Variants in PACRG observed in about 807,000 individuals in gnomAD.
PACRG encodes parkin coregulated gene protein.
A neutral mutation model predicts 29.7 loss-of-function variants in PACRG; 29 were observed. The ratio of observed to expected loss-of-function variants is 0.98; its 90% CI spans 0.73 to 1.33. PACRG has a LOEUF of 1.33. PACRG is among the 40% of genes most tolerant of loss of function. The pLI, the probability that PACRG is intolerant of heterozygous loss-of-function variation, is 0.00. For synonymous variants in PACRG, 116 were observed against 118.7 expected, an observed-to-expected ratio of 0.98 and a Z score of 0.15; for missense variants, 279 against 316.2, an observed-to-expected ratio of 0.88 and a Z score of 0.89.
intron 4 of PACRG, among the ~76,000 whole-genome samples, chr6:163,268,162 AG>A (rs1783601092): frequency 6.6e-6 from 1 of 152,156 alleles, no homozygotes; most frequent in African/African-American, 2.4e-5. Flanking sequence ...GCACTCTGGG[AG>A]GCCGAGGCGG....
intron 4 of PACRG, among the ~76,000 whole-genome samples, chr6:163,158,069 C>G (rs931021587): frequency 1.3e-5 from 2 of 152,176 alleles, no homozygotes; most frequent in African/African-American, 4.8e-5. Context: ...TTATTCCTCA[C>G]CAGGACCATG....
intron 2 of PACRG, among the ~76,000 whole-genome samples, chr6:162,887,048 C>T (rs555144408): frequency 6.6e-6 from 1 of 152,286 alleles, no homozygotes; most frequent in East Asian, 1.9e-4. Flanking sequence ...GCTGGGATTA[C>T]AGGCACATGC....
At chr6:162,869,769 C>T (rs1341379829) in intron 2 of PACRG, among the ~76,000 whole-genome samples, 2 of 152,138 alleles carry the variant, frequency 1.3e-5, no homozygotes, top group African/African-American at 2.4e-5. Flanking sequence ...AATAAAATTA[C>T]AATTTCAGCA....
chr6:162,736,503 C>A (rs537160999), intron 1 of PACRG, among the ~76,000 whole-genome samples: 1 of 151,974 alleles, frequency 6.6e-6, no homozygotes, highest in Non-Finnish European at 1.5e-5. Flanking sequence ...CAGAGCTGAA[C>A]GACCTGAGAG....
At chr6:162,747,325 CATATATATAT>C (rs1190146053) in intron 1 of PACRG, among the ~76,000 whole-genome samples, 355 of 33,216 alleles carry the variant, frequency 0.011, 12 homozygotes, top group South Asian at 0.032. Flanking sequence ...TCTCCTTGCT[CATATATATAT>C]ATATATATAT....
intron 4 of PACRG, among the ~76,000 whole-genome samples, chr6:163,264,642 G>T (rs374464071): frequency 5.3e-5 from 8 of 152,300 alleles, no homozygotes; most frequent in African/African-American, 1.2e-4. Flanking sequence ...GGGTGCAAGG[G>T]CAGAGGGCAA....
chr6:163,148,961 CGGGGGGGGGGG>C lies in PACRG; in HGVS notation c.613+59563_613+59573del, dbSNP rs58611407. ...TGAGGGTTTTGTGAAAAATCTATGGCGGGGGGGGGGGGGGGGGGGGTGGAAAAATGTCCCTG... is the reference window on the plus strand; with the variant it reads ...TGAGGGTTTTGTGAAAAATCTATGGCGGGGGGGGGTGGAAAAATGTCCCTG... On this transcript the variant is annotated intron_variant, in intron 4 of 4. Transcript: ENST00000366888. Among the ~76,000 whole-genome samples the C allele has an allele frequency of 8.8e-3, 80 of 9,064 alleles. 8 individuals carry two copies. The highest frequency in any genetic ancestry group is 0.01 in the African/African-American group (20 of 1,924). 5.9% of individuals were successfully genotyped at this position (9,064 alleles called of 152,430 possible). A position where few individuals can be genotyped will look rare whatever the true frequency, so the allele number is the denominator to read the frequency against.
chr6:162,947,615 T>TATATATATAATCATATATATATATAATC (rs1554313347), intron 2 of PACRG, among the ~76,000 whole-genome samples: 1 of 22,526 alleles, frequency 4.4e-5, no homozygotes, highest in Non-Finnish European at 9.5e-5. Flanking sequence ...TATAATCATA[T>TATATATATAATCATATATATATATAATC]ATATATATAT....
At chr6:163,312,701 G>A (rs1785474659) in intron 4 of PACRG, 2 of 371,510 alleles carry the variant, frequency 5.4e-6, no homozygotes, top group Non-Finnish European at 1.0e-5. Flanking sequence ...AATAGGGCAA[G>A]GACCCTTTTG....
intron 2 of PACRG, among the ~76,000 whole-genome samples, chr6:162,968,644 G>A (rs1169471347): frequency 6.6e-6 from 1 of 152,112 alleles, no homozygotes; most frequent in African/African-American, 2.4e-5. Context: ...GAACCATGTA[G>A]GTGGAAAAAA....
rs1814997628 is a variant in PACRG at position 163,100,414 on chromosome 6, G to A, written c.613+11006G>A. ...ACCGCAGGGAAGGCCCAGGCGTCGCGCGGCCAGCCCCTGGGGACACCTTCA... is the reference window on the plus strand; with the variant it reads ...ACCGCAGGGAAGGCCCAGGCGTCGCACGGCCAGCCCCTGGGGACACCTTCA... On this transcript the variant is annotated intron_variant, in intron 4 of 4. Coordinates refer to ENST00000366888, the MANE Select transcript of PACRG (RefSeq NM_001080379.2). 2.0e-5 allele frequency among the ~76,000 whole-genome samples: 3 copies of A among 152,248 alleles called. No individual in the cohort carries two copies. In the South Asian group the frequency reaches 6.2e-4, roughly 32 times the overall value.
At chr6:162,839,120 G>A (rs1789521059) in intron 2 of PACRG, among the ~76,000 whole-genome samples, 1 of 133,760 alleles carries the variant, frequency 7.5e-6, no homozygotes, top group African/African-American at 3.1e-5. Context: ...TAATGCGATG[G>A]CTGGGTCAAA....
chr6:163,298,108 G>T (rs1172126653), intron 4 of PACRG, among the ~76,000 whole-genome samples: 1 of 152,148 alleles, frequency 6.6e-6, no homozygotes, highest in Non-Finnish European at 1.5e-5. Flanking sequence ...TGCTGGAGTG[G>T]CTTGTGCATG....
chr6:163,073,780 T>A (rs1812292177), intron 3 of PACRG, among the ~76,000 whole-genome samples: 1 of 152,160 alleles, frequency 6.6e-6, no homozygotes, highest in African/African-American at 2.4e-5. Context: ...AATATCTGAA[T>A]AGACATTTCT....
At chr6:163,077,488 G>C (rs1812655382) in intron 3 of PACRG, among the ~76,000 whole-genome samples, 1 of 151,956 alleles carries the variant, frequency 6.6e-6, no homozygotes, top group Admixed American at 6.6e-5. Context: ...AAACCTAGTG[G>C]GGAAAAACAC....
intron 4 of PACRG, among the ~76,000 whole-genome samples, chr6:163,287,243 G>A (rs2128185675): frequency 6.6e-6 from 1 of 152,286 alleles, no homozygotes; most frequent in South Asian, 2.1e-4. Context: ...ATTTGCTTTG[G>A]TGTTCCTTGC....
At chr6:163,244,515 G>A (rs577869929) in intron 4 of PACRG, among the ~76,000 whole-genome samples, 1 of 152,182 alleles carries the variant, frequency 6.6e-6, no homozygotes, top group African/African-American at 2.4e-5. Context: ...ACTGTGTTCT[G>A]TATTTTCGAA....
At chr6:163,124,459 G>A (rs1365945375) in intron 4 of PACRG, among the ~76,000 whole-genome samples, 5 of 152,106 alleles carry the variant, frequency 3.3e-5, no homozygotes, top group African/African-American at 1.2e-4. Context: ...AAATTCTGGA[G>A]CCAACTATGT....
At chr6:163,280,861 G>C (rs1368692429) in intron 4 of PACRG, among the ~76,000 whole-genome samples, 2 of 152,126 alleles carry the variant, frequency 1.3e-5, no homozygotes, top group Non-Finnish European at 2.9e-5. Flanking sequence ...AGCCACACTG[G>C]GGGTTAGGAC....
Sources: allele counts gnomAD v4.1 joint callset (sites outside exome capture counted in the v4.1 genomes callset), GRCh38; gene constraint gnomAD v4.1.1; transcripts MANE v1.5; gene names NCBI Gene and HGNC (gene_info 2026-07-23, HGNC 2026-07-21).